GLG1: variants seen among roughly 807,000 people sequenced by gnomAD.
The protein encoded by GLG1 is Golgi apparatus protein 1.
Under a neutral mutation model 160.5 loss-of-function variants are expected in GLG1, and 38 were observed. The ratio of observed to expected loss-of-function variants is 0.24; its 90% CI spans 0.18 to 0.31. GLG1 has a LOEUF of 0.31. GLG1 is among the 10% of genes least tolerant of loss of function. The pLI, the probability that GLG1 is intolerant of heterozygous loss-of-function variation, is 1.00. For missense variants in GLG1, 1,373 were observed against 1,505.2 expected (o/e 0.91, Z 1.45); for synonymous variants, 644 against 543.4 (o/e 1.19, Z -2.57).
At chr16:74,605,724 A>C (rs1019790924) in intron 1 of GLG1, among the ~76,000 whole-genome samples, 1 of 152,132 alleles carries the variant, frequency 6.6e-6, no homozygotes, top group Non-Finnish European at 1.5e-5. Context: ...TGAACGCCTT[A>C]AACAAATCTG....
chr16:74,523,787 A>G lies in GLG1; in HGVS notation c.471+8334T>C, dbSNP rs1334385767. On this transcript the variant is annotated intron_variant, in intron 2 of 25. Coordinates refer to ENST00000422840, the MANE Select transcript of GLG1 (RefSeq NM_001145667.2). ...AAATTTTACATACTGACCTTCTATC[A>G]TGAGACTTTACTAAGTTCATCTGTT... is the stretch of plus-strand genomic sequence containing the variant. 2.6e-5 allele frequency among the ~76,000 whole-genome samples: 4 copies of G among 152,284 alleles called. No individual in the cohort carries two copies. The East Asian group carries it at 7.7e-4, about 29-fold the overall frequency.
At chr16:74,517,480 C>T (rs2017014257) in intron 2 of GLG1, among the ~76,000 whole-genome samples, 1 of 152,134 alleles carries the variant, frequency 6.6e-6, no homozygotes. Context: ...GCAGAAAAGG[C>T]CTTTGACAAA....
intron 2 of GLG1, among the ~76,000 whole-genome samples, chr16:74,529,188 C>G (rs1328463815): frequency 6.6e-6 from 1 of 151,934 alleles, no homozygotes; most frequent in Non-Finnish European, 1.5e-5. Flanking sequence ...AGGCTGGTCT[C>G]GAACTCCTGA....
chr16:74,493,740 C>T (rs781622742), intron 6 of GLG1, among the ~76,000 whole-genome samples: 2 of 152,142 alleles, frequency 1.3e-5, no homozygotes, highest in African/African-American at 2.4e-5. Flanking sequence ...AAAGAGGATG[C>T]TTAATGATAT....
At chr16:74,529,822 T>TTG (rs2017473985) in intron 2 of GLG1, among the ~76,000 whole-genome samples, 1 of 139,998 alleles carries the variant, frequency 7.1e-6, no homozygotes, top group South Asian at 2.4e-4. Flanking sequence ...CTTTTTTTTT[T>TTG]TTTTTTTTTT....
At position 74,478,008 on chromosome 16, in the gene GLG1, AT is replaced by A. The variant is rs1567468832; in HGVS notation, c.1828-476del. 2.9e-4 allele frequency among the ~76,000 whole-genome samples: 44 copies of A among 151,658 alleles called. No individual in the cohort carries two copies. In the East Asian group the frequency reaches 6.4e-3, roughly 22 times the overall value. On this transcript the variant is annotated intron_variant, in intron 11 of 25. Transcript: ENST00000422840. Reference sequence around the variant, plus strand: ...AATAAATAAATAAATAAATAAATAAATAAATAAAATGTGCAAGAGGCTTCGA... The same window carrying A: ...AATAAATAAATAAATAAATAAATAAAAAATAAAATGTGCAAGAGGCTTCGA...
At chr16:74,481,889 C>A (rs1014263307) in intron 10 of GLG1, among the ~76,000 whole-genome samples, 8 of 152,146 alleles carry the variant, frequency 5.3e-5, no homozygotes, top group Non-Finnish European at 1.0e-4. Flanking sequence ...GGTTTTACAC[C>A]ATTCTCCTGC....
In GLG1 at chr16:74,453,103, C is replaced by G. The variant is rs1473713520; in HGVS notation, c.*64G>C. 6.4e-7 allele frequency: 1 copy of G among 1,569,978 alleles called. No individual in the cohort carries two copies. The highest frequency in any genetic ancestry group is 8.6e-7 in the Non-Finnish European group (1 of 1,158,316). Reference sequence around the variant, plus strand: ...GAGAAGAGCGAGGTGAGTGGGGATGCTATACAAGAGGGCTGTACAAACTGG... The same window carrying G: ...GAGAAGAGCGAGGTGAGTGGGGATGGTATACAAGAGGGCTGTACAAACTGG... On this transcript the variant is annotated 3_prime_UTR_variant, in exon 26 of 26. Coordinates refer to ENST00000422840, the MANE Select transcript of GLG1 (RefSeq NM_001145667.2).
In GLG1 at chr16:74,483,111, G is replaced by A. The variant is rs1406354798; in HGVS notation, c.1585C>T (p.Leu529=). 1.3e-6 allele frequency: 2 copies of A among 1,596,112 alleles called. No individual in the cohort carries two copies. The highest frequency in any genetic ancestry group is 1.7e-6 in the Non-Finnish European group (2 of 1,163,816). ...RSGDPMILSC[L]MEHLYTEKMV... is the part of the protein sequence containing the mutation. ...TTCTCTGTGTATAAATGTTCCATCA[G>A]GCACGACAAGATCCTAGCCATTAAA... is the stretch of plus-strand genomic sequence containing the variant. The change falls in exon 10 of 26, where the codon CTG becomes TTG. Residue 529 remains leucine (L), a synonymous_variant. Transcript: ENST00000422840.
chr16:74,471,464 A>G (rs931951489), intron 14 of GLG1, among the ~76,000 whole-genome samples, 178 bp from the exon 15 acceptor site: 1 of 152,244 alleles, frequency 6.6e-6, no homozygotes, highest in African/African-American at 2.4e-5. Flanking sequence ...ATTCAGTGGC[A>G]TAAAACTAAC....
rs533964066 is a variant in GLG1 at position 74,593,657 on chromosome 16, A to T, written c.438+13000T>A. Among the ~76,000 whole-genome samples the T allele has an allele frequency of 4.0e-5, 6 of 151,798 alleles. No homozygotes were observed. The East Asian group carries it at 1.2e-3, about 29-fold the overall frequency. ...ACCACGTTGGCCAGGCTGGTCTCAAACTCCTGACCTCAGGTGATCTGCCCG... is the reference window on the plus strand; with the variant it reads ...ACCACGTTGGCCAGGCTGGTCTCAATCTCCTGACCTCAGGTGATCTGCCCG... On this transcript the variant is annotated intron_variant, in intron 1 of 25. Coordinates refer to ENST00000422840, the MANE Select transcript of GLG1 (RefSeq NM_001145667.2).
intron 1 of GLG1, among the ~76,000 whole-genome samples, chr16:74,568,381 T>C (rs2018719689): frequency 6.6e-6 from 1 of 151,536 alleles, no homozygotes; most frequent in Non-Finnish European, 1.5e-5. Context: ...AATCTCACTC[T>C]GATAAAGCAG....
In GLG1 at chr16:74,503,782, T is replaced by C. The variant is rs753185242; in HGVS notation, c.559-36A>G. The stretch of plus-strand genomic sequence containing the variant: ...TAAAGTAGCTGTTTTACAAAAGTGT[T>C]CCATGCTCGTATCAAACAATATTTA... On this transcript the variant is annotated intron_variant, in intron 3 of 25. Transcript: ENST00000422840. 109 of 1,274,386 alleles carry C rather than the reference T, an allele frequency of 8.6e-5. 1 individual carries two copies. In the Admixed American group the frequency reaches 1.8e-3, roughly 21 times the overall value. 78.9% of individuals were successfully genotyped at this position (1,274,386 alleles called of 1,614,324 possible). A position where few individuals can be genotyped will look rare whatever the true frequency, so the allele number is the denominator to read the frequency against.
At chr16:74,511,598 AAAAAG>A (rs1405742015) in intron 2 of GLG1, among the ~76,000 whole-genome samples, 74 of 150,182 alleles carry the variant, frequency 4.9e-4, no homozygotes, top group Non-Finnish European at 7.5e-4. Context: ...AAAAAAAAAA[AAAAAG>A]AAAGAAAGAA....
chr16:74,558,308 C>G (rs1340201361), intron 1 of GLG1, among the ~76,000 whole-genome samples: 1 of 152,142 alleles, frequency 6.6e-6, no homozygotes, highest in Non-Finnish European at 1.5e-5. Flanking sequence ...GGGGAAAATG[C>G]AAGTGTTAGT....
rs183256938 is a variant in GLG1, at chr16:74,538,440, C to G, written c.439-6287G>C. On this transcript the variant is annotated intron_variant, in intron 1 of 25. Transcript: ENST00000422840. ...CAAAATAAACCCAATCTTTTACCCC[C>G]GGGAAACTCTCCTGAGCAAGTCTAA... 7.9e-3 allele frequency among the ~76,000 whole-genome samples: 1,205 copies of G among 152,280 alleles called. 2 individuals carry two copies. Among genetic ancestry groups the G allele is most frequent in the Middle Eastern group, 0.017 (5 of 294 alleles).
chr16:74,475,625 T>G (rs555474334), intron 12 of GLG1, among the ~76,000 whole-genome samples: 1 of 152,288 alleles, frequency 6.6e-6, no homozygotes, highest in African/African-American at 2.4e-5. Flanking sequence ...GTTTACAGGT[T>G]TAGAGGTTTC....
At chr16:74,601,774 C>T (rs1283888488) in intron 1 of GLG1, among the ~76,000 whole-genome samples, 1 of 152,124 alleles carries the variant, frequency 6.6e-6, no homozygotes, top group Non-Finnish European at 1.5e-5. Flanking sequence ...GTTCTTGTGT[C>T]CCATTTAGCA....
At chr16:74,552,045 G>C (rs571162987) in intron 1 of GLG1, among the ~76,000 whole-genome samples, 1 of 152,000 alleles carries the variant, frequency 6.6e-6, no homozygotes, top group East Asian at 1.9e-4. Context: ...CCACTGCTAT[G>C]ATCTAGTTTG....
Sources: gnomAD v4.1 joint callset for allele counts (sites outside exome capture counted in the v4.1 genomes callset) on GRCh38, gnomAD v4.1.1 for gene constraint, MANE v1.5 for transcripts, NCBI Gene and HGNC (gene_info 2026-07-23, HGNC 2026-07-21) for gene names.